Variants in GRM1 observed in about 807,000 individuals in gnomAD.
GRM1 encodes metabotropic glutamate receptor 1.
GRM1 carries 33 observed loss-of-function variants against 90.9 expected under a neutral mutation model. That is an observed-to-expected ratio of 0.36 (90% confidence interval 0.28 to 0.49). The LOEUF (loss-of-function observed/expected upper bound fraction) is 0.49, where lower values mean the gene tolerates loss of function less well. Among genes scored for constraint, GRM1 ranks in the 20% least tolerant of loss-of-function variants. GRM1 has a pLI of 0.99. For missense variants in GRM1, 1,190 were observed against 1,534.3 expected (o/e 0.78, Z 3.75); for synonymous variants, 700 against 613.2 (o/e 1.14, Z -2.09).
chr6:146,314,579 ACTTCTTTTAATTCACCT>A (rs1783900516), intron 3 of GRM1, among the ~76,000 whole-genome samples: 1 of 152,108 alleles, frequency 6.6e-6, no homozygotes, highest in Non-Finnish European at 1.5e-5. Flanking sequence ...TGTGTGTTTA[ACTTCTTTTAATTCACCT>A]GTTGGTCTTA....
chr6:146,221,303 G>A (rs562891598), intron 2 of GRM1, among the ~76,000 whole-genome samples: 69 of 152,050 alleles, frequency 4.5e-4, no homozygotes, highest in African/African-American at 1.4e-3. Context: ...CAACCAATCC[G>A]TCACCTACAT....
At chr6:146,284,344 G>T (rs556011457) in intron 2 of GRM1, among the ~76,000 whole-genome samples, 21 of 152,254 alleles carry the variant, frequency 1.4e-4, no homozygotes, top group African/African-American at 4.8e-4. Context: ...CATAGGTATG[G>T]TTGTTTTGTA....
chr6:146,043,804 T>TATATATAGATATATAG (rs1791218080), intron 1 of GRM1, among the ~76,000 whole-genome samples: 1 of 145,616 alleles, frequency 6.9e-6, no homozygotes. Flanking sequence ...TATATATATA[T>TATATATAGATATATAG]ATATATAAAG....
Position 146,433,964 on chromosome 6 carries a change from A to G in GRM1, c.2753A>G (p.Lys918Arg), listed in dbSNP as rs778849298. ...TGGCACCGCCTCTCTGTGCACGTGA[A>G]GACCAATGAGACGGCCTGCAACCAA... ...HMWHRLSVHV[K>R]TNETACNQTA... The change falls in exon 8 of 8, where the codon AAG (lysine) becomes AGG (arginine). Residue 918 changes from lysine (K) to arginine (R), a missense_variant. Transcript: ENST00000282753. 3.7e-6 allele frequency: 6 copies of G among 1,614,056 alleles called. No homozygotes were observed. The highest frequency in any genetic ancestry group is 5.1e-6 in the Non-Finnish European group (6 of 1,179,918).
intron 1 of GRM1, among the ~76,000 whole-genome samples, chr6:146,062,605 A>G (rs1245429726): frequency 6.6e-6 from 1 of 152,024 alleles, no homozygotes; most frequent in Non-Finnish European, 1.5e-5. Flanking sequence ...CAATTTATCC[A>G]GTACTGTGCA....
At position 146,421,505 on chromosome 6, in the gene GRM1, A is replaced by G. The variant is rs893131211; in HGVS notation, c.2661-12367A>G. Among the ~76,000 whole-genome samples, 4 of 152,316 alleles carry G rather than the reference A, an allele frequency of 2.6e-5. No homozygotes were observed. In the South Asian group the frequency reaches 6.2e-4, roughly 24 times the overall value. On this transcript the variant is annotated intron_variant, in intron 7 of 7. Transcript: ENST00000282753. ...TATTCAACATAAAATATGCCAAGTG[A>G]CAATACATACCAATTTGTCTCTTTA...
At chr6:146,237,086 GA>G (rs1780674810) in intron 2 of GRM1, among the ~76,000 whole-genome samples, 1 of 152,078 alleles carries the variant, frequency 6.6e-6, no homozygotes, top group Non-Finnish European at 1.5e-5. Flanking sequence ...GTGCTCTTTA[GA>G]AACACTTGTT....
chr6:146,383,452 T>C (rs886158173), intron 5 of GRM1, among the ~76,000 whole-genome samples: 2 of 152,152 alleles, frequency 1.3e-5, no homozygotes, highest in Non-Finnish European at 2.9e-5. Context: ...AATAAGACAG[T>C]AGCATTTACT....
At position 146,037,061 on chromosome 6, in the gene GRM1, A is replaced by G. The variant is rs534747044; in HGVS notation, c.700+6844A>G. 2.0e-5 allele frequency among the ~76,000 whole-genome samples: 3 copies of G among 152,106 alleles called. No individual in the cohort carries two copies. In the East Asian group the frequency reaches 5.8e-4, roughly 29 times the overall value. ...CATATGGGAAATACTGTATGCATGC[A>G]CATCTCAGTTTCATTTGTAAAATGG... On this transcript the variant is annotated intron_variant, in intron 1 of 7. Coordinates refer to ENST00000282753, the MANE Select transcript of GRM1 (RefSeq NM_001278064.2).
At chr6:146,151,738 G>C (rs956639967) in intron 1 of GRM1, among the ~76,000 whole-genome samples, 6 of 152,024 alleles carry the variant, frequency 3.9e-5, no homozygotes, top group African/African-American at 1.4e-4. Context: ...TCTCTCCTGA[G>C]ATCCCATTTT....
intron 2 of GRM1, among the ~76,000 whole-genome samples, chr6:146,186,135 T>G (rs2114563898): frequency 6.7e-6 from 1 of 149,386 alleles, no homozygotes; most frequent in South Asian, 2.1e-4. Context: ...TTTTATTTAT[T>G]TATTATTATT....
chr6:146,308,557 T>A (rs996507603), intron 3 of GRM1, among the ~76,000 whole-genome samples: 2 of 152,198 alleles, frequency 1.3e-5, no homozygotes, highest in Non-Finnish European at 2.9e-5. Context: ...CAACAATCTT[T>A]AATCAATCAC....
chr6:146,410,369 T>C (rs1001059671), intron 7 of GRM1, among the ~76,000 whole-genome samples: 12 of 152,218 alleles, frequency 7.9e-5, no homozygotes, highest in African/African-American at 2.7e-4. Flanking sequence ...AAATAGATCA[T>C]TAGGACATTG....
chr6:146,202,986 G>T (rs748644635), intron 2 of GRM1, among the ~76,000 whole-genome samples: 60 of 151,942 alleles, frequency 3.9e-4, no homozygotes, highest in Non-Finnish European at 7.4e-4. Flanking sequence ...ACGAGGTCAG[G>T]AGAGAGAGAC....
chr6:146,067,417 G>A (rs1775884581), intron 1 of GRM1, among the ~76,000 whole-genome samples: 1 of 151,938 alleles, frequency 6.6e-6, no homozygotes, highest in African/African-American at 2.4e-5. Context: ...TTTTACTTCT[G>A]GGTAATTATT....
intron 2 of GRM1, among the ~76,000 whole-genome samples, chr6:146,267,820 TTAAGG>T (rs1562568944): frequency 1.3e-5 from 2 of 152,016 alleles, no homozygotes; most frequent in Admixed American, 1.3e-4. Context: ...GCCCACCAGA[TTAAGG>T]GTGGATGTGC....
intron 5 of GRM1, among the ~76,000 whole-genome samples, chr6:146,381,740 C>T (rs935313782): frequency 5.3e-5 from 8 of 152,174 alleles, no homozygotes; most frequent in African/African-American, 1.9e-4. Flanking sequence ...TAAAGTAGAC[C>T]CAGTTCCTTT....
chr6:146,313,868 C>G (rs1783860978), intron 3 of GRM1, among the ~76,000 whole-genome samples: 1 of 151,958 alleles, frequency 6.6e-6, no homozygotes, highest in South Asian at 2.1e-4. Context: ...CCCTCTTCAT[C>G]CCATCCCCAG....
At chr6:146,353,677 T>C (rs904546501) in intron 4 of GRM1, among the ~76,000 whole-genome samples, 13 of 152,230 alleles carry the variant, frequency 8.5e-5, no homozygotes, top group Non-Finnish European at 8.8e-5. Flanking sequence ...TTGCCCAGGC[T>C]GGAGTGCAGT....
Sources: gnomAD v4.1 joint callset for allele counts (sites outside exome capture counted in the v4.1 genomes callset) on GRCh38, gnomAD v4.1.1 for gene constraint, MANE v1.5 for transcripts, NCBI Gene and HGNC (gene_info 2026-07-23, HGNC 2026-07-21) for gene names.